Variants in STXBP6 observed in about 807,000 individuals in gnomAD.
The protein encoded by STXBP6 is syntaxin-binding protein 6.
In STXBP6, 21 loss-of-function variants were observed where a neutral mutation model predicts 26.9. The observed-to-expected ratio is 0.78, with a 90% CI of 0.55 to 1.12. STXBP6 has a LOEUF of 1.12. Among genes scored for constraint, STXBP6 ranks in the 50% most tolerant of loss-of-function variants. The probability of loss-of-function intolerance (pLI) is 0.00; values close to 1 mark genes in which losing one functional copy is unlikely to be tolerated. For synonymous variants in STXBP6, 97 were observed against 92.6 expected (o/e 1.05, Z -0.27); for missense variants, 232 against 257.9 (o/e 0.90, Z 0.69).
At chr14:24,853,407 G>A (rs1204081969) in intron 4 of STXBP6, among the ~76,000 whole-genome samples, 1 of 152,100 alleles carries the variant, frequency 6.6e-6, no homozygotes, top group African/African-American at 2.4e-5. Flanking sequence ...GGTTATATGT[G>A]CTGCCAACAA....
chr14:24,820,593 G>C (rs913449485), intron 4 of STXBP6, among the ~76,000 whole-genome samples: 2 of 152,060 alleles, frequency 1.3e-5, no homozygotes, highest in Admixed American at 1.3e-4. Flanking sequence ...GAAAGGTCTG[G>C]GTCTTCAGAA....
intron 1 of STXBP6, among the ~76,000 whole-genome samples, chr14:25,029,300 C>A (rs1489762660): frequency 6.6e-6 from 1 of 152,160 alleles, no homozygotes; most frequent in African/African-American, 2.4e-5. Flanking sequence ...GCTACCCCAA[C>A]CTTCAGCACC....
intron 1 of STXBP6, among the ~76,000 whole-genome samples, chr14:25,023,649 G>GA (rs1014895465): frequency 3.6e-4 from 55 of 151,212 alleles, no homozygotes; most frequent in Admixed American, 9.2e-4. Flanking sequence ...TTTCTTAAAA[G>GA]AAAAAAAAAT....
chr14:24,852,885 G>A (rs1369580538), intron 4 of STXBP6, among the ~76,000 whole-genome samples: 1 of 152,100 alleles, frequency 6.6e-6, no homozygotes, highest in Non-Finnish European at 1.5e-5. Flanking sequence ...GAGCCAATAA[G>A]TGGGCCTGCC....
In STXBP6 at chr14:25,024,323, T is replaced by A. The variant is rs978194654; in HGVS notation, c.-33+25555A>T. On this transcript the variant is annotated intron_variant, in intron 1 of 5. Transcript: ENST00000323944. Reference sequence around the variant, plus strand: ...GACTCTGACTCAAAAAAAAAAAAAATTTTGTTTTCAGTTATGTTAAAATGT... The same window carrying A: ...GACTCTGACTCAAAAAAAAAAAAAAATTTGTTTTCAGTTATGTTAAAATGT... Among the ~76,000 whole-genome samples, 264 of 150,434 alleles carry A rather than the reference T, an allele frequency of 1.8e-3. 3 individuals carry two copies. The highest frequency in any genetic ancestry group is 0.017 in the Middle Eastern group (5 of 294).
intron 4 of STXBP6, among the ~76,000 whole-genome samples, chr14:24,823,021 T>C (rs144068947): frequency 6.6e-6 from 1 of 152,244 alleles, no homozygotes; most frequent in African/African-American, 2.4e-5. Flanking sequence ...ATAGGAAGCA[T>C]ATTAATACCC....
intron 2 of STXBP6, among the ~76,000 whole-genome samples, chr14:24,918,962 G>A (rs1395192556): frequency 1.3e-5 from 2 of 152,076 alleles, no homozygotes; most frequent in Non-Finnish European, 2.9e-5. Context: ...TGGGAAGGCA[G>A]AAGAAACGAA....
At chr14:24,979,148 T>C (rs534879503) in intron 1 of STXBP6, among the ~76,000 whole-genome samples, 2 of 152,372 alleles carry the variant, frequency 1.3e-5, no homozygotes, top group East Asian at 3.9e-4. Flanking sequence ...TTAATACTGT[T>C]AGATAGTTGA....
At chr14:25,015,933 C>T (rs1428538791) in intron 1 of STXBP6, among the ~76,000 whole-genome samples, 1 of 152,124 alleles carries the variant, frequency 6.6e-6, no homozygotes, top group East Asian at 1.9e-4. Context: ...AGAGTGTGAA[C>T]TTTGAACCAA....
intron 4 of STXBP6, among the ~76,000 whole-genome samples, chr14:24,846,354 G>A (rs1272187818): frequency 6.6e-6 from 1 of 152,030 alleles, no homozygotes; most frequent in African/African-American, 2.4e-5. Flanking sequence ...CCCTTTAGCA[G>A]CCTGTCTCAT....
intron 1 of STXBP6, among the ~76,000 whole-genome samples, chr14:25,029,559 T>G (rs2075413113): frequency 6.6e-6 from 1 of 152,178 alleles, no homozygotes; most frequent in South Asian, 2.1e-4. Context: ...CAATATTTCC[T>G]TTATTGTTGT....
rs1232249963 is a variant in STXBP6, at chr14:24,944,862, AAG to A, written c.154+29801_154+29802del. On this transcript the variant is annotated intron_variant, in intron 2 of 5. Coordinates refer to ENST00000323944, the MANE Select transcript of STXBP6 (RefSeq NM_001394410.1). ...ATGGGGAGTTTGTTTGGAGTGTGAA[AAG>A]AGTGTGAAAAGATTCAGGGCCTGAA... 4.6e-5 allele frequency among the ~76,000 whole-genome samples: 7 copies of A among 151,946 alleles called. 2 individuals carry two copies. Among genetic ancestry groups the A allele is most frequent in the Admixed American group, 3.9e-4 (6 of 15,248 alleles).
At position 25,042,602 on chromosome 14, in the gene STXBP6, T is replaced by C. The variant is rs530686855; in HGVS notation, c.-33+7276A>G. 2.0e-5 allele frequency among the ~76,000 whole-genome samples: 3 copies of C among 152,332 alleles called. No individual in the cohort carries two copies. The East Asian group carries it at 5.8e-4, about 29-fold the overall frequency. On this transcript the variant is annotated intron_variant, in intron 1 of 5. Transcript: ENST00000323944. ...CGCAAGGTCACGCACACGTTAATGG[T>C]AGAGCTATGTTTCACACTCGGCCCT...
intron 4 of STXBP6, among the ~76,000 whole-genome samples, chr14:24,823,816 T>G (rs1479159966): frequency 2.0e-5 from 3 of 152,204 alleles, no homozygotes; most frequent in Non-Finnish European, 4.4e-5. Context: ...AATATAAATG[T>G]GTAAAATAGA....
intron 1 of STXBP6, among the ~76,000 whole-genome samples, chr14:25,019,320 G>A (rs1340179555): frequency 6.6e-6 from 1 of 152,150 alleles, no homozygotes; most frequent in East Asian, 1.9e-4. Flanking sequence ...GTTGTACAGA[G>A]AAGTGATTCT....
chr14:25,016,999 C>T (rs377764634), intron 1 of STXBP6, among the ~76,000 whole-genome samples: 32 of 152,254 alleles, frequency 2.1e-4, no homozygotes, highest in Admixed American at 1.1e-3. Flanking sequence ...TGCAGTTAAA[C>T]GCTTCTTAGA....
At chr14:24,906,125 T>TA (rs965147396) in intron 2 of STXBP6, among the ~76,000 whole-genome samples, 1 of 152,198 alleles carries the variant, frequency 6.6e-6, no homozygotes, top group African/African-American at 2.4e-5. Context: ...TTAGGTTTTT[T>TA]AAAAATCATT....
In STXBP6 at chr14:24,955,101, A is replaced by ATCTT. The variant is rs564415144; in HGVS notation, c.154+19560_154+19563dup. 3.2e-4 allele frequency among the ~76,000 whole-genome samples: 48 copies of ATCTT among 152,310 alleles called. 2 individuals carry two copies. The South Asian group carries it at 7.9e-3, about 25-fold the overall frequency. On this transcript the variant is annotated intron_variant, in intron 2 of 5. Coordinates refer to ENST00000323944, the MANE Select transcript of STXBP6 (RefSeq NM_001394410.1). ...AATAAGTGTTCAGTTATTGTTAACT[A>ATCTT]TCTTTATTGTTGTTCCCATCCAAAA...
intron 2 of STXBP6, among the ~76,000 whole-genome samples, chr14:24,946,236 T>A (rs570124196): frequency 4.6e-5 from 7 of 152,318 alleles, no homozygotes; most frequent in Non-Finnish European, 1.0e-4. Context: ...AAATTTTATT[T>A]TCCTGTCAGA....
Sources: gnomAD v4.1 joint callset for allele counts (sites outside exome capture counted in the v4.1 genomes callset) on GRCh38, gnomAD v4.1.1 for gene constraint, MANE v1.5 for transcripts, NCBI Gene and HGNC (gene_info 2026-07-23, HGNC 2026-07-21) for gene names.